The following ANAPC11 variants were observed in gnomAD, a reference collection of about 807,000 sequenced individuals.
ANAPC11 encodes the protein anaphase promoting complex subunit 11, also known as anaphase-promoting complex subunit 11.
A neutral mutation model predicts 11.8 loss-of-function variants in ANAPC11; 5 were observed. That is an observed-to-expected ratio of 0.42 (90% CI 0.22 to 0.89). ANAPC11 has a LOEUF of 0.89. ANAPC11 is among the 40% of genes least tolerant of loss of function. ANAPC11 has a pLI of 0.28. For missense variants in ANAPC11, 68 were observed against 112.9 expected, an observed-to-expected ratio of 0.60 and a Z score of 1.80; for synonymous variants, 45 against 41.0, an observed-to-expected ratio of 1.10 and a Z score of -0.38.
Position 81,900,250 on chromosome 17 carries a change from A to C in ANAPC11, c.*185A>C. The C allele has an allele frequency of 6.4e-6, 6 of 932,460 alleles. No individual in the cohort carries two copies. Among genetic ancestry groups the C allele is most frequent in the African/African-American group, 1.7e-5 (1 of 58,948 alleles). The allele number at this position is 932,460 out of a possible 1,614,324, so 57.8% of individuals were successfully genotyped here. ...AGTGAAAACTCATTAAACTACTCAAATCTTGCTGGAGGCCTCTGGGTGCCT... is the reference window on the plus strand; with the variant it reads ...AGTGAAAACTCATTAAACTACTCAACTCTTGCTGGAGGCCTCTGGGTGCCT... On this transcript the variant is annotated 3_prime_UTR_variant, in exon 4 of 4. Coordinates refer to ENST00000344877, the MANE Select transcript of ANAPC11 (RefSeq NM_001002248.3).
At chr17:81,894,786 C>T (rs1378336683) in intron 3 of ANAPC11, 200 bp downstream of exon 3, 3 of 430,792 alleles carry the variant, frequency 7.0e-6, no homozygotes, top group South Asian at 5.0e-5. Context: ...GGCGCGATCT[C>T]GGCTTGCCGC....
At chr17:81,897,751 T>G (rs970373008) in intron 3 of ANAPC11, among the ~76,000 whole-genome samples, 10 of 152,222 alleles carry the variant, frequency 6.6e-5, no homozygotes, top group Non-Finnish European at 1.0e-4. Context: ...ACCAAAGTGC[T>G]GGGATTACAG....
At chr17:81,895,485 A>G (rs900803437) in intron 3 of ANAPC11, among the ~76,000 whole-genome samples, 9 of 152,278 alleles carry the variant, frequency 5.9e-5, no homozygotes, top group African/African-American at 1.4e-4. Context: ...GGGATTAAAA[A>G]GAGATTAGAG....
intron 3 of ANAPC11, chr17:81,899,306 G>A (rs751900854): frequency 1.6e-4 from 257 of 1,613,260 alleles, no homozygotes; most frequent in Non-Finnish European, 2.1e-4. Context: ...TGCCTGTCCT[G>A]GGAGGCAGGG....
At chr17:81,891,402 C>T, upstream of ANAPC11, 1 of 1,068,978 alleles carries the variant, frequency 9.4e-7, no homozygotes, top group Non-Finnish European at 1.1e-6. Context: ...CCGGATGGGC[C>T]CGCCGCCTCG....
At chr17:81,895,050 C>CTTTTTT (rs766422017) in intron 3 of ANAPC11, among the ~76,000 whole-genome samples, 275 of 84,994 alleles carry the variant, frequency 3.2e-3, no homozygotes, top group African/African-American at 4.5e-3. Context: ...TCTTTCTTTT[C>CTTTTTT]TTTTTTTTTT....
chr17:81,896,008 G>GC (rs1397731396), intron 3 of ANAPC11, among the ~76,000 whole-genome samples: 1 of 152,206 alleles, frequency 6.6e-6, no homozygotes, highest in African/African-American at 2.4e-5. Context: ...CATAGGCCAG[G>GC]CGCAGTGGCT....
Position 81,899,228 on chromosome 17 carries a change from CCT to C in ANAPC11, c.110-687_110-686del, listed in dbSNP as rs550213920. ...CTTGATCATGGCTGATACAAGCATC[CCT>C]CTCTGTGTCAGGTCCTCTCCATGGA... On this transcript the variant is annotated intron_variant, in intron 3 of 3. Transcript: ENST00000344877. The C allele has an allele frequency of 2.8e-5, 45 of 1,608,234 alleles. No individual in the cohort carries two copies. The African/African-American group carries it at 4.9e-4, about 18-fold the overall frequency.
chr17:81,897,780 G>A (rs2039793448), intron 3 of ANAPC11, among the ~76,000 whole-genome samples: 1 of 152,080 alleles, frequency 6.6e-6, no homozygotes, highest in Non-Finnish European at 1.5e-5. Context: ...CACCATGCCT[G>A]AACAAAACTA....
At chr17:81,891,584 C>T (rs1283266398), upstream of ANAPC11, 2 of 1,424,018 alleles carry the variant, frequency 1.4e-6, no homozygotes, top group African/African-American at 1.5e-5. Flanking sequence ...CGGGCATCGG[C>T]TCGAGCCCGC....
intron 3 of ANAPC11, chr17:81,899,487 T>C (rs2039863558): frequency 3.7e-6 from 6 of 1,613,874 alleles, no homozygotes; most frequent in Non-Finnish European, 5.1e-6. Context: ...TGACCATTCA[T>C]GTGACCTTTT....
At position 81,899,430 on chromosome 17, in the gene ANAPC11, G is replaced by A; in HGVS notation, c.110-490G>A. ...CCCAGACCCCACCCCTCCTGCCCTT[G>A]ATCAAGAGACCAGTTCACTACTCAG... On this transcript the variant is annotated intron_variant, in intron 3 of 3. Coordinates refer to ENST00000344877, the MANE Select transcript of ANAPC11 (RefSeq NM_001002248.3). 1 of 1,613,954 alleles carries A rather than the reference G, an allele frequency of 6.2e-7. No individual in the cohort carries two copies. The highest frequency in any genetic ancestry group is 8.5e-7 in the Non-Finnish European group (1 of 1,180,020).
chr17:81,900,507 G>C (rs998500618), downstream of ANAPC11: 1 of 228,662 alleles, frequency 4.4e-6, no homozygotes, highest in Admixed American at 5.9e-5. Context: ...AGGGACCCTG[G>C]CTGTGCAAAG....
intron 3 of ANAPC11, among the ~76,000 whole-genome samples, chr17:81,895,640 A>T (rs1474670478): frequency 6.6e-6 from 1 of 152,012 alleles, no homozygotes; most frequent in East Asian, 1.9e-4. Context: ...CTGTCATCCT[A>T]GCACTGTGGG....
chr17:81,899,291 G>A (rs753029345), intron 3 of ANAPC11: 2 of 1,613,088 alleles, frequency 1.2e-6, no homozygotes, highest in Non-Finnish European at 1.7e-6. Context: ...GGTGCCCGCA[G>A]CCTGTGCCTG....
chr17:81,900,017 G>A lies in ANAPC11; in HGVS notation c.207G>A (p.Val69=). ...TCAAGTGGCTGCACGCACAGCAGGT[G>A]CAGCAGCACTGCCCCATGTGCCGCC... is the stretch of plus-strand genomic sequence containing the variant. ...CILKWLHAQQ[V]QQHCPMCRQE... The change falls in exon 4 of 4, where the codon GTG becomes GTA. Residue 69 remains valine, a synonymous_variant. Coordinates refer to ENST00000344877, the MANE Select transcript of ANAPC11 (RefSeq NM_001002248.3). 3.1e-6 allele frequency: 5 copies of A among 1,612,874 alleles called. No individual in the cohort carries two copies. The highest frequency in any genetic ancestry group is 2.2e-5 in the South Asian group (2 of 91,010).
chr17:81,892,648 G>T (rs796709622), intron 1 of ANAPC11, among the ~76,000 whole-genome samples: 2 of 141,890 alleles, frequency 1.4e-5, no homozygotes, highest in Admixed American at 1.4e-4. Context: ...GCAGCCTCCC[G>T]AGTAGCTGGG....
intron 1 of ANAPC11, 34 bp from the exon 2 acceptor site, chr17:81,893,518 C>T (rs1006550556): frequency 1.3e-5 from 2 of 152,150 alleles, no homozygotes; most frequent in Admixed American, 1.3e-4. Flanking sequence ...GCATGAGCCA[C>T]CACCTGCGGC....
chr17:81,899,115 G>A, intron 3 of ANAPC11: 1 of 1,042,484 alleles, frequency 9.6e-7, no homozygotes, highest in Non-Finnish European at 1.4e-6. Context: ...CCTGCCGTGG[G>A]GCTGGGGCTG....
Sources: gnomAD v4.1 joint callset for allele counts (sites outside exome capture counted in the v4.1 genomes callset) on GRCh38, gnomAD v4.1.1 for gene constraint, MANE v1.5 for transcripts, NCBI Gene and HGNC (gene_info 2026-07-23, HGNC 2026-07-21) for gene names.